The following CSMD2 variants were observed in gnomAD, a reference collection of about 807,000 sequenced individuals.
The protein encoded by CSMD2 is CUB and Sushi multiple domains 2.
CSMD2 carries 130 observed loss-of-function variants against 398.5 expected under a neutral mutation model. That is an observed-to-expected ratio of 0.33 (90% confidence interval 0.28 to 0.38). The LOEUF (loss-of-function observed/expected upper bound fraction) is 0.38. Among genes scored for constraint, CSMD2 ranks in the 10% least tolerant of loss-of-function variants. The pLI is 1.00. For synonymous variants in CSMD2, 1,828 were observed against 1,908.5 expected, an observed-to-expected ratio of 0.96 and a Z score of 1.10; for missense variants, 3,829 against 4,764.9, an observed-to-expected ratio of 0.80 and a Z score of 5.78.
Position 33,726,574 on chromosome 1 carries a change from C to A in CSMD2, c.2480G>T (p.Gly827Val). 2 of 1,612,332 alleles carry A rather than the reference C, an allele frequency of 1.2e-6. No homozygotes were observed. Among genetic ancestry groups the A allele is most frequent in the Non-Finnish European group, 1.7e-6 (2 of 1,178,924 alleles). ...GTCGAAGGTGATTTTGATGGGGTAG[C>A]CTGGCTGGGCCTCAATCACCCAGGC... Reference protein sequence around the residue: ...SCAWVIEAQPGYPIKITFDRF... With the variant: ...SCAWVIEAQPVYPIKITFDRF... Residue 827 changes from glycine to valine, a missense_variant, in exon 16 of 71, where the codon GGC (glycine) becomes GTC (valine). By Grantham distance (109) the Gly-to-Val change is moderately radical. Around this residue, in one of 5 missense-constraint regions of CSMD2, gnomAD observed 2,001 missense variants for 2,567.1 expected, o/e 0.78. Transcript: ENST00000373381.
At chr1:33,857,593 G>A (rs1036661058) in intron 5 of CSMD2, among the ~76,000 whole-genome samples, 3 of 152,042 alleles carry the variant, frequency 2.0e-5, no homozygotes, top group Non-Finnish European at 4.4e-5. Flanking sequence ...ACCACCCTTA[G>A]TAGCTCTGTG....
In CSMD2 at chr1:33,559,518, A is replaced by G. The variant is rs1570733155; in HGVS notation, c.8381-45T>C. 2.6e-6 allele frequency: 4 copies of G among 1,510,044 alleles called. No homozygotes were observed. In the East Asian group the frequency reaches 9.8e-5, roughly 37 times the overall value. 93.5% of individuals were successfully genotyped at this position (1,510,044 alleles called of 1,614,324 possible). On this transcript the variant is annotated intron_variant, in intron 53 of 70. Coordinates refer to ENST00000373381, the MANE Select transcript of CSMD2 (RefSeq NM_001281956.2). This position sits in a 1 kb window ranked among gnomAD's most constrained non-coding sequence, Gnocchi z 4.0. ...TAGGTAAGCCCTCCTACTATTCCACACCCCTCAGAATTTATCCACCTCTCA... is the reference window on the plus strand; with the variant it reads ...TAGGTAAGCCCTCCTACTATTCCACGCCCCTCAGAATTTATCCACCTCTCA...
chr1:33,994,420 A>G (rs963987882), intron 3 of CSMD2, among the ~76,000 whole-genome samples: 1 of 152,064 alleles, frequency 6.6e-6, no homozygotes, highest in East Asian at 1.9e-4. Context: ...CAGCTCTCCC[A>G]ATCCCACGCT....
chr1:33,792,808 G>A (rs565742422), intron 10 of CSMD2, among the ~76,000 whole-genome samples: 1 of 152,278 alleles, frequency 6.6e-6, no homozygotes, highest in African/African-American at 2.4e-5. Context: ...GGCCAACAGC[G>A]AGATGATTAG....
In CSMD2 at chr1:33,831,608, G is replaced by A. The variant is rs574316072; in HGVS notation, c.1034-5834C>T. On this transcript the variant is annotated intron_variant, in intron 6 of 70. Transcript: ENST00000373381. ...CTAGGAAGAAACTGCATCAACTAAC[G>A]AGCAAAATAACCAGCTAACATCATC... is the stretch of plus-strand genomic sequence containing the variant. Among the ~76,000 whole-genome samples the A allele has an allele frequency of 3.6e-3, 550 of 151,518 alleles. 4 individuals carry two copies. The highest frequency in any genetic ancestry group is 5.1e-3 in the Non-Finnish European group (344 of 67,858).
Position 33,636,790 on chromosome 1 carries a change from G to T in CSMD2, c.4775-236C>A, listed in dbSNP as rs758147684. Among the ~76,000 whole-genome samples the T allele has an allele frequency of 6.6e-6, 1 of 152,146 alleles. No homozygotes were observed. Among genetic ancestry groups the T allele is most frequent in the Non-Finnish European group, 1.5e-5 (1 of 68,030 alleles). On this transcript the variant is annotated intron_variant, in intron 29 of 70. Coordinates refer to ENST00000373381, the MANE Select transcript of CSMD2 (RefSeq NM_001281956.2). The surrounding 1 kb of genome is among the most constrained non-coding windows in gnomAD (Gnocchi z 4.8). ...TTTCCCCTCCTCCCCCCATGTTCTTGCCTTGACCCACAGAGGAAGGAGGCC... is the reference window on the plus strand; with the variant it reads ...TTTCCCCTCCTCCCCCCATGTTCTTTCCTTGACCCACAGAGGAAGGAGGCC...
At chr1:33,890,740 T>G (rs545696208) in intron 5 of CSMD2, among the ~76,000 whole-genome samples, 1 of 151,526 alleles carries the variant, frequency 6.6e-6, no homozygotes, top group Admixed American at 6.6e-5. Flanking sequence ...GAAATAACGC[T>G]GCATATCTAC....
At chr1:33,590,995 T>C (rs1015526092) in intron 44 of CSMD2, among the ~76,000 whole-genome samples, 1 of 144,256 alleles carries the variant, frequency 6.9e-6, no homozygotes, top group Admixed American at 6.9e-5. Context: ...TTTTTTTTTT[T>C]TTTTTTTTTT....
chr1:34,085,218 C>T lies in CSMD2; in HGVS notation c.404+3759G>A, dbSNP rs990437571. Among the ~76,000 whole-genome samples, 3 of 151,762 alleles carry T rather than the reference C, an allele frequency of 2.0e-5. No homozygotes were observed. The South Asian group carries it at 6.2e-4, about 32-fold the overall frequency. On this transcript the variant is annotated intron_variant, in intron 2 of 70. Coordinates refer to ENST00000373381, the MANE Select transcript of CSMD2 (RefSeq NM_001281956.2). ...ACACAGGAAGGGGACCATCACACAC[C>T]AGGGACTGTTGTGGGGTGGGGTTAG...
intron 13 of CSMD2, among the ~76,000 whole-genome samples, chr1:33,746,331 T>C (rs1162991125): frequency 6.6e-6 from 1 of 152,158 alleles, no homozygotes; most frequent in Non-Finnish European, 1.5e-5. Context: ...CAGGGCCTGC[T>C]GAGCAAGTCC....
At chr1:34,038,600 T>C (rs1203977429) in intron 2 of CSMD2, among the ~76,000 whole-genome samples, 1 of 152,166 alleles carries the variant, frequency 6.6e-6, no homozygotes, top group East Asian at 1.9e-4. Flanking sequence ...CCCACTGTTC[T>C]TAGGATTAAA....
intron 10 of CSMD2, among the ~76,000 whole-genome samples, chr1:33,803,014 C>T (rs1655793028): frequency 1.3e-5 from 2 of 152,182 alleles, no homozygotes; most frequent in Non-Finnish European, 2.9e-5. Context: ...CTGTTGCTGC[C>T]CCTAGAGCTT....
intron 29 of CSMD2, among the ~76,000 whole-genome samples, chr1:33,637,010 C>T (rs1386583040): frequency 6.6e-6 from 1 of 152,228 alleles, no homozygotes; most frequent in Non-Finnish European, 1.5e-5. Context: ...CAGCAGCCTC[C>T]TGGCCTTTTG....
intron 2 of CSMD2, among the ~76,000 whole-genome samples, chr1:34,081,229 G>A (rs1657066983): frequency 6.6e-6 from 1 of 151,994 alleles, no homozygotes; most frequent in Admixed American, 6.6e-5. Flanking sequence ...TCCCCACCAA[G>A]CATGCTTGCT....
rs565160852 is a variant in CSMD2, at chr1:33,949,817, G to A, written c.518-13863C>T. 2.6e-5 allele frequency among the ~76,000 whole-genome samples: 4 copies of A among 152,296 alleles called. No homozygotes were observed. In the East Asian group the frequency reaches 7.7e-4, roughly 29 times the overall value. On this transcript the variant is annotated intron_variant, in intron 3 of 70. Coordinates refer to ENST00000373381, the MANE Select transcript of CSMD2 (RefSeq NM_001281956.2). ...CAGGGTTAGTGACTCCTAACTTCCTGTGTGCAAAATCCCAGCCCAGACCTT... is the reference window on the plus strand; with the variant it reads ...CAGGGTTAGTGACTCCTAACTTCCTATGTGCAAAATCCCAGCCCAGACCTT...
rs1433626940 is a variant in CSMD2, at chr1:33,961,961, T to C, written c.518-26007A>G. On this transcript the variant is annotated intron_variant, in intron 3 of 70. Transcript: ENST00000373381. The stretch of plus-strand genomic sequence containing the variant: ...ACACAAATGGAAGAATACAGGGAGT[T>C]ATTAAGACTTGGGGATGTTGAGAAG... Among the ~76,000 whole-genome samples the C allele has an allele frequency of 2.6e-5, 4 of 152,034 alleles. No homozygotes were observed. The East Asian group carries it at 7.7e-4, about 29-fold the overall frequency.
chr1:33,758,868 C>A lies in CSMD2; in HGVS notation c.1846+13701G>T, dbSNP rs180868117. Among the ~76,000 whole-genome samples the A allele has an allele frequency of 1.1e-3, 166 of 152,286 alleles. 2 individuals carry two copies. The highest frequency in any genetic ancestry group is 0.011 in the Admixed American group (165 of 15,292). On this transcript the variant is annotated intron_variant, in intron 13 of 70. Coordinates refer to ENST00000373381, the MANE Select transcript of CSMD2 (RefSeq NM_001281956.2). ...AAGCTTCTGCCTTCTGGCATGAGAA[C>A]AACATGCTCTAGGCACAACGTGGTC...
At chr1:33,835,752 T>G (rs976278144) in intron 6 of CSMD2, among the ~76,000 whole-genome samples, 1 of 150,574 alleles carries the variant, frequency 6.6e-6, no homozygotes, top group Non-Finnish European at 1.5e-5. Flanking sequence ...GTTATTCTAG[T>G]TAGCCATTTG....
chr1:33,682,751 G>A (rs1376990214), intron 25 of CSMD2, among the ~76,000 whole-genome samples: 13 of 152,136 alleles, frequency 8.5e-5, no homozygotes, highest in Admixed American at 8.5e-4. Flanking sequence ...TGCTCTAGAG[G>A]TTGCCTCTGC....
Sources: allele counts gnomAD v4.1 joint callset (sites outside exome capture counted in the v4.1 genomes callset), GRCh38; gene constraint gnomAD v4.1.1; regional missense constraint gnomAD v4.1.1; non-coding constraint Gnocchi (gnomAD v3.1); transcripts MANE v1.5; gene names NCBI Gene and HGNC (gene_info 2026-07-23, HGNC 2026-07-21).